Variants in ACTR10 observed in about 807,000 individuals in gnomAD.
ACTR10 encodes actin related protein 10.
A neutral mutation model predicts 56.2 loss-of-function variants in ACTR10; 43 were observed. The observed-to-expected ratio is 0.77, with a 90% CI of 0.60 to 0.99. The LOEUF is 0.99. Among genes scored for constraint, ACTR10 ranks in the 50% least tolerant of loss-of-function variants. ACTR10 has a pLI of 0.00. For missense variants in ACTR10, 466 were observed against 507.8 expected (o/e 0.92, Z 0.79); for synonymous variants, 170 against 176.3 (o/e 0.96, Z 0.28).
At chr14:58,217,791 T>C (rs1489665278) in intron 7 of ACTR10, among the ~76,000 whole-genome samples, 2 of 152,236 alleles carry the variant, frequency 1.3e-5, no homozygotes, top group Non-Finnish European at 1.5e-5. Context: ...TGAATGAGCC[T>C]CTTTCATTTA....
intron 10 of ACTR10, among the ~76,000 whole-genome samples, chr14:58,228,083 CA>C (rs1889441691): frequency 1.3e-5 from 2 of 152,136 alleles, no homozygotes; most frequent in South Asian, 4.1e-4. Flanking sequence ...GCTTGGGCAA[CA>C]GGGCAAGACC....
intron 3 of ACTR10, 67 bp from the exon 4 acceptor site, chr14:58,208,932 T>TAA: frequency 9.5e-7 from 1 of 1,054,342 alleles, no homozygotes; most frequent in Non-Finnish European, 1.4e-6. Context: ...TCACTGTTCT[T>TAA]AAATTGTATG....
At chr14:58,218,880 C>T (rs1434126634) in intron 7 of ACTR10, among the ~76,000 whole-genome samples, 1 of 152,076 alleles carries the variant, frequency 6.6e-6, no homozygotes, top group Non-Finnish European at 1.5e-5. Context: ...GGCTGGAGTG[C>T]AATGGCATGA....
In ACTR10 at chr14:58,223,649, A is replaced by G; in HGVS notation, c.662A>G (p.Lys221Arg). The G allele has an allele frequency of 6.2e-7, 1 of 1,613,514 alleles. No individual in the cohort carries two copies. Among genetic ancestry groups the G allele is most frequent in the Non-Finnish European group, 8.5e-7 (1 of 1,179,804 alleles). The change falls in exon 9 of 13, where the codon AAG becomes AGG. Residue 221 changes from lysine (K) to arginine (R), a missense_variant. By Grantham distance (26) the Lys-to-Arg change is conservative. Transcript: ENST00000254286. ...CGTACTTGCTTTGTAAGTGATCTGA[A>G]GCGAGGACTAAAAATCCAAGCAGCA... is the stretch of plus-strand genomic sequence containing the variant. ...KARTCFVSDLKRGLKIQAAKF... is the reference protein window; with the variant it reads ...KARTCFVSDLRRGLKIQAAKF...
At chr14:58,201,797 G>T (rs1888709765) in intron 1 of ACTR10, among the ~76,000 whole-genome samples, 1 of 152,194 alleles carries the variant, frequency 6.6e-6, no homozygotes, top group African/African-American at 2.4e-5. Context: ...CTTGAGCCCA[G>T]TAGTTCAAGA....
chr14:58,213,989 C>A (rs923798528), intron 6 of ACTR10, among the ~76,000 whole-genome samples: 1 of 152,096 alleles, frequency 6.6e-6, no homozygotes, highest in Non-Finnish European at 1.5e-5. Flanking sequence ...GTATCCATCT[C>A]GTCAAGCATT....
chr14:58,205,314 C>CTTTT (rs35929902), intron 2 of ACTR10, among the ~76,000 whole-genome samples: 2 of 129,652 alleles, frequency 1.5e-5, no homozygotes, highest in South Asian at 2.5e-4. Flanking sequence ...CATCAGAAAT[C>CTTTT]TTTTTTTTTT....
intron 2 of ACTR10, among the ~76,000 whole-genome samples, chr14:58,207,362 G>C (rs1295663515): frequency 1.3e-5 from 2 of 150,924 alleles, no homozygotes; most frequent in Non-Finnish European, 2.9e-5. Context: ...ATCTGGTTCT[G>C]TTGCCCAGGC....
At chr14:58,201,918 G>A (rs575262217) in intron 1 of ACTR10, among the ~76,000 whole-genome samples, 48 of 150,298 alleles carry the variant, frequency 3.2e-4, no homozygotes, top group Middle Eastern at 3.5e-3. Context: ...GGGGAGGATC[G>A]CTTGAGCCTG....
Position 58,234,577 on chromosome 14 carries a change from T to C in ACTR10, c.*26T>C, listed in dbSNP as rs1308484554. 1.3e-6 allele frequency: 2 copies of C among 1,592,884 alleles called. No individual in the cohort carries two copies. Among genetic ancestry groups the C allele is most frequent in the Admixed American group, 3.5e-5 (2 of 57,308 alleles). On this transcript the variant is annotated 3_prime_UTR_variant, in exon 13 of 13. Transcript: ENST00000254286. ...AAGTTTGATTAAAAATCAACCTTGC[T>C]TCATATCAAATATTTAACCAATTAT... is the stretch of plus-strand genomic sequence containing the variant.
intron 2 of ACTR10, 61 bp downstream of exon 2, chr14:58,202,988 C>A: frequency 8.5e-7 from 1 of 1,181,612 alleles, no homozygotes; most frequent in African/African-American, 1.5e-5. Flanking sequence ...TAAAATATGA[C>A]TTCAAGTAAG....
chr14:58,221,305 A>G (rs1044375470), intron 8 of ACTR10, among the ~76,000 whole-genome samples: 5 of 138,376 alleles, frequency 3.6e-5, no homozygotes, highest in Non-Finnish European at 8.0e-5. Context: ...AAAAAAAAAT[A>G]TATGCAGGCT....
At chr14:58,226,815 G>A (rs1889414812) in intron 10 of ACTR10, among the ~76,000 whole-genome samples, 1 of 152,026 alleles carries the variant, frequency 6.6e-6, no homozygotes, top group Admixed American at 6.6e-5. Flanking sequence ...AGTCAAGCTG[G>A]TCTCGAACTC....
At chr14:58,209,650 A>G (rs1026111863) in intron 4 of ACTR10, among the ~76,000 whole-genome samples, 3 of 152,142 alleles carry the variant, frequency 2.0e-5, no homozygotes, top group African/African-American at 4.8e-5. Flanking sequence ...AATATAAGTA[A>G]TATTACCTGT....
intron 12 of ACTR10, among the ~76,000 whole-genome samples, chr14:58,234,026 G>A (rs1889607635): frequency 6.6e-6 from 1 of 150,830 alleles, no homozygotes; most frequent in Non-Finnish European, 1.5e-5. Flanking sequence ...CCTTAGTTGT[G>A]AGAGAGAAAA....
At position 58,234,361 on chromosome 14, in the gene ACTR10, G is replaced by C. The variant is rs1277238775; in HGVS notation, c.1073-9G>C. 1.3e-6 allele frequency: 2 copies of C among 1,525,178 alleles called. No homozygotes were observed. The highest frequency in any genetic ancestry group is 1.4e-5 in the African/African-American group (1 of 72,006). The allele number at this position is 1,525,178 out of a possible 1,614,324, so 94.5% of individuals were successfully genotyped here. A position where few individuals can be genotyped will look rare whatever the true frequency, so the allele number is the denominator to read the frequency against. On this transcript the variant is annotated splice_polypyrimidine_tract_variant and intron_variant, in intron 12 of 12. Transcript: ENST00000254286. ...CATCTTAGCTATAAAAAATATTTTT[G>C]TCACACAGGGGCTATTTTTGGAGCA...
intron 8 of ACTR10, among the ~76,000 whole-genome samples, chr14:58,220,323 A>G (rs1408620979): frequency 2.7e-5 from 4 of 150,886 alleles, no homozygotes; most frequent in Non-Finnish European, 5.9e-5. Flanking sequence ...TTAGAGTTAA[A>G]TGAGAGCTGG....
chr14:58,225,768 A>G (rs546639254), intron 10 of ACTR10, among the ~76,000 whole-genome samples: 1 of 150,008 alleles, frequency 6.7e-6, no homozygotes, highest in African/African-American at 2.5e-5. Flanking sequence ...GCTGGAGTGC[A>G]CTGGCGCGGT....
chr14:58,232,404 C>CTTTTTTTTTTTTT lies in ACTR10; in HGVS notation c.1072+152_1072+164dup, dbSNP rs5808963. ...TAAATAGAACTAACACTGACTTTTT[C>CTTTTTTTTTTTTT]TTTTTTTTTTTTTTTTTTTTTTTTT... is the stretch of plus-strand genomic sequence containing the variant. On this transcript the variant is annotated intron_variant, in intron 12 of 12. Transcript: ENST00000254286. 38 of 135,746 alleles carry CTTTTTTTTTTTTT rather than the reference C, an allele frequency of 2.8e-4. 6 individuals carry two copies. Among genetic ancestry groups the CTTTTTTTTTTTTT allele is most frequent in the African/African-American group, 1.6e-3 (32 of 20,124 alleles). The allele number at this position is 135,746 out of a possible 1,614,324, so 8.4% of individuals were successfully genotyped here. A position where few individuals can be genotyped will look rare whatever the true frequency, so the allele number is the denominator to read the frequency against.
Sources: gnomAD v4.1 joint callset for allele counts (sites outside exome capture counted in the v4.1 genomes callset) on GRCh38, gnomAD v4.1.1 for gene constraint, MANE v1.5 for transcripts, NCBI Gene and HGNC (gene_info 2026-07-23, HGNC 2026-07-21) for gene names.